Variants in MSH3 observed in about 807,000 individuals in gnomAD.
The protein encoded by MSH3 is DNA mismatch repair protein Msh3.
A neutral mutation model predicts 123.3 loss-of-function variants in MSH3; 106 were observed. That is an observed-to-expected ratio of 0.86 (90% CI 0.73 to 1.01). The LOEUF (loss-of-function observed/expected upper bound fraction) is 1.01, where lower values mean the gene tolerates loss of function less well. Ranked by LOEUF, MSH3 falls within the 50% of genes least tolerant of loss-of-function variation. The pLI is 0.00. For synonymous variants in MSH3, 515 were observed against 481.4 expected, an observed-to-expected ratio of 1.07 and a Z score of -0.91; for missense variants, 1,459 against 1,347.6, an observed-to-expected ratio of 1.08 and a Z score of -1.29.
chr5:80,749,803 A>C (rs1050735818), intron 12 of MSH3, among the ~76,000 whole-genome samples: 17 of 152,140 alleles, frequency 1.1e-4, no homozygotes, highest in African/African-American at 3.9e-4. Flanking sequence ...GCAATAGATC[A>C]CCAGAACTTG....
intron 10 of MSH3, among the ~76,000 whole-genome samples, chr5:80,729,446 GTGTGTGTGTGTGTGTATATA>G (rs1743369795): frequency 7.8e-6 from 1 of 128,246 alleles, no homozygotes; most frequent in East Asian, 2.1e-4. Context: ...GTGTGTGTGT[GTGTGTGTGTGTGTGTATATA>G]TATATATATA....
chr5:80,718,110 G>A (rs955964077), intron 8 of MSH3, among the ~76,000 whole-genome samples: 1 of 152,126 alleles, frequency 6.6e-6, no homozygotes, highest in South Asian at 2.1e-4. Context: ...TAGAGTTTTG[G>A]CAGTCACTCT....
In MSH3 at chr5:80,864,796, C is replaced by T; in HGVS notation, c.3001-17C>T. 1 of 1,599,156 alleles carries T rather than the reference C, an allele frequency of 6.3e-7. No homozygotes were observed. The highest frequency in any genetic ancestry group is 8.6e-7 in the Non-Finnish European group (1 of 1,166,896). On this transcript the variant is annotated splice_polypyrimidine_tract_variant and intron_variant, in intron 21 of 23. Transcript: ENST00000265081. ...ATTTAAAAATGAAATAACATTTATTCTGTCTTATTGCTTTAGGTGAAATCC... is the reference window on the plus strand; with the variant it reads ...ATTTAAAAATGAAATAACATTTATTTTGTCTTATTGCTTTAGGTGAAATCC...
At position 80,787,649 on chromosome 5, in the gene MSH3, C is replaced by T. The variant is rs779973060; in HGVS notation, c.2520C>T (p.Val840=). The change falls in exon 18 of 24, where the codon GTC becomes GTT. Residue 840 remains valine (V), a synonymous_variant. Coordinates refer to ENST00000265081, the MANE Select transcript of MSH3 (RefSeq NM_002439.5). ...TVDCIFSLAK[V]AKQGDYCRPT... is the part of the protein sequence containing the mutation. ...ACTGCATTTTCTCCCTGGCCAAGGTCGCTAAGCAAGGAGATTACTGCAGGT... is the reference window on the plus strand; with the variant it reads ...ACTGCATTTTCTCCCTGGCCAAGGTTGCTAAGCAAGGAGATTACTGCAGGT... 26 of 1,613,534 alleles carry T rather than the reference C, an allele frequency of 1.6e-5. No homozygotes were observed. Among genetic ancestry groups the T allele is most frequent in the Admixed American group, 1.2e-4 (7 of 60,016 alleles).
chr5:80,815,390 A>G (rs2112057045), intron 20 of MSH3, among the ~76,000 whole-genome samples: 1 of 152,248 alleles, frequency 6.6e-6, no homozygotes, highest in African/African-American at 2.4e-5. Flanking sequence ...AAAAGAGAAA[A>G]AAGAAAAAAA....
chr5:80,722,213 A>G (rs1751096957), intron 8 of MSH3, among the ~76,000 whole-genome samples: 1 of 152,232 alleles, frequency 6.6e-6, no homozygotes, highest in Admixed American at 6.5e-5. Flanking sequence ...AAAATCATAA[A>G]AATAGAAAAA....
intron 8 of MSH3, among the ~76,000 whole-genome samples, chr5:80,708,470 T>A (rs182569686): frequency 0.031 from 4,746 of 152,056 alleles, 179 homozygotes; most frequent in African/African-American, 0.089. Flanking sequence ...TTATTTATTT[T>A]TTTTAGAGAC....
intron 8 of MSH3, among the ~76,000 whole-genome samples, chr5:80,698,019 C>T (rs1750523094): frequency 6.6e-6 from 1 of 152,062 alleles, no homozygotes; most frequent in Non-Finnish European, 1.5e-5. Flanking sequence ...GCAATCCTCC[C>T]ACCTCAACCT....
rs372582080 is a variant in MSH3 at position 80,848,947 on chromosome 5, G to A, written c.2814-5183G>A. Among the ~76,000 whole-genome samples, 19 of 152,252 alleles carry A rather than the reference G, an allele frequency of 1.2e-4. No homozygotes were observed. The South Asian group carries it at 3.9e-3, about 32-fold the overall frequency. On this transcript the variant is annotated intron_variant, in intron 20 of 23. Coordinates refer to ENST00000265081, the MANE Select transcript of MSH3 (RefSeq NM_002439.5). ...AGTCCAAAGTCTCATCCAGGACAAGGCAAGTCCCTTCTGCCTATGAGCCTG... is the reference window on the plus strand; with the variant it reads ...AGTCCAAAGTCTCATCCAGGACAAGACAAGTCCCTTCTGCCTATGAGCCTG...
chr5:80,691,329 G>T (rs11742720), intron 8 of MSH3, among the ~76,000 whole-genome samples: 11,555 of 151,644 alleles, frequency 0.076, 493 homozygotes, highest in Non-Finnish European at 0.092. Context: ...AATTTTAAAA[G>T]ATACTATTTA....
intron 21 of MSH3, among the ~76,000 whole-genome samples, chr5:80,859,712 C>CTTTTTTTTTTTTTTTTT (rs373044585): frequency 2.3e-5 from 3 of 130,148 alleles, no homozygotes; most frequent in African/African-American, 5.8e-5. Flanking sequence ...CATTTTCTCT[C>CTTTTTTTTTTTTTTTTT]TTTTTTTTTT....
chr5:80,778,788 G>T lies in MSH3; in HGVS notation c.2387G>T (p.Arg796Leu), dbSNP rs542104580. ...AATTACAGACATCTGAATCAGCTCC[G>T]GGAGCAGCTAGTCCTTGACTGCAGT... ...VENYRHLNQL[R>L]EQLVLDCSAE... The change falls in exon 17 of 24, where the codon CGG (arginine) becomes CTG (leucine). Residue 796 changes from arginine to leucine, a missense_variant. Physicochemically the swap from Arg to Leu is moderately radical, Grantham distance 102 (BLOSUM62 -2). Coordinates refer to ENST00000265081, the MANE Select transcript of MSH3 (RefSeq NM_002439.5). 6.8e-6 allele frequency: 11 copies of T among 1,612,500 alleles called. No individual in the cohort carries two copies. In the Admixed American group the frequency reaches 1.7e-4, roughly 24 times the overall value.
chr5:80,660,378 T>G (rs1427145805), intron 2 of MSH3, among the ~76,000 whole-genome samples: 1 of 152,142 alleles, frequency 6.6e-6, no homozygotes, highest in Admixed American at 6.5e-5. Flanking sequence ...TGGGAAAGAC[T>G]GGCTCCCATG....
intron 8 of MSH3, among the ~76,000 whole-genome samples, chr5:80,683,193 C>G (rs1362418173): frequency 6.6e-6 from 1 of 152,168 alleles, no homozygotes; most frequent in Non-Finnish European, 1.5e-5. Context: ...CTTCTATATA[C>G]TGATTTCCCT....
At chr5:80,812,143 A>G (rs1435339319) in intron 19 of MSH3, among the ~76,000 whole-genome samples, 1 of 152,234 alleles carries the variant, frequency 6.6e-6, no homozygotes, top group Non-Finnish European at 1.5e-5. Context: ...TTACACAGGA[A>G]GAGCAGGATC....
intron 9 of MSH3, among the ~76,000 whole-genome samples, chr5:80,726,231 G>C (rs781228005): frequency 7.2e-5 from 11 of 152,164 alleles, no homozygotes; most frequent in Non-Finnish European, 1.3e-4. Flanking sequence ...GAGGTGAATA[G>C]ACATTTTCCC....
intron 8 of MSH3, among the ~76,000 whole-genome samples, chr5:80,710,663 A>G (rs755256802): frequency 7.9e-5 from 12 of 152,120 alleles, no homozygotes; most frequent in Non-Finnish European, 1.6e-4. Context: ...AACTGAGAAT[A>G]TGTGCACAGG....
chr5:80,688,215 T>G (rs994400868), intron 8 of MSH3, among the ~76,000 whole-genome samples: 1 of 152,226 alleles, frequency 6.6e-6, no homozygotes, highest in African/African-American at 2.4e-5. Flanking sequence ...TTGAAATAAA[T>G]GCTTGAACAC....
Position 80,729,450 on chromosome 5 carries a change from GTGTGTGTGTGTA to G in MSH3, c.1568+487_1568+498del, listed in dbSNP as rs1389885022. Among the ~76,000 whole-genome samples the G allele has an allele frequency of 5.5e-4, 72 of 131,994 alleles. No individual in the cohort carries two copies. In the South Asian group the frequency reaches 0.02, roughly 37 times the overall value. The allele number at this position is 131,994 out of a possible 152,430, so 86.6% of individuals were successfully genotyped here. On this transcript the variant is annotated intron_variant, in intron 10 of 23. Transcript: ENST00000265081. ...AAAAAATGTGTGTGTGTGTGTGTGT[GTGTGTGTGTGTA>G]TATATATATATATATATAAAGAATT...
Sources: allele counts gnomAD v4.1 joint callset (sites outside exome capture counted in the v4.1 genomes callset), GRCh38; gene constraint gnomAD v4.1.1; transcripts MANE v1.5; gene names NCBI Gene and HGNC (gene_info 2026-07-23, HGNC 2026-07-21).